Variants in ATRNL1 observed in about 807,000 individuals in gnomAD.
The protein encoded by ATRNL1 is attractin like 1.
In ATRNL1, 95 loss-of-function variants were observed where a neutral mutation model predicts 182.7. The observed-to-expected ratio is 0.52, with a 90% confidence interval of 0.44 to 0.62. The LOEUF (loss-of-function observed/expected upper bound fraction) is 0.62, where lower values mean the gene tolerates loss of function less well. Among genes scored for constraint, ATRNL1 ranks in the 20% least tolerant of loss-of-function variants. The pLI is 0.00. For synonymous variants in ATRNL1, 576 were observed against 568.3 expected (o/e 1.01, Z -0.19); for missense variants, 1,471 against 1,679.5 (o/e 0.88, Z 2.17).
chr10:115,335,667 C>T (rs1470064420), intron 19 of ATRNL1, among the ~76,000 whole-genome samples: 1 of 152,142 alleles, frequency 6.6e-6, no homozygotes, highest in African/African-American at 2.4e-5. Context: ...TGGTGAAGTC[C>T]CTTACATAGT....
chr10:115,407,985 CTTTTTTTTTTTTTTT>C (rs71010022), intron 20 of ATRNL1, among the ~76,000 whole-genome samples: 89 of 97,790 alleles, frequency 9.1e-4, no homozygotes, highest in South Asian at 3.5e-3. Flanking sequence ...ATTTGCATTT[CTTTTTTTTTTTTTTT>C]TTTTTTTTTT....
intron 11 of ATRNL1, among the ~76,000 whole-genome samples, chr10:115,265,552 C>T (rs1300262885): frequency 6.6e-6 from 1 of 151,404 alleles, no homozygotes; most frequent in Admixed American, 6.6e-5. Flanking sequence ...TTTTCTTTTT[C>T]CAGAGATCAG....
chr10:115,352,063 AT>A (rs1246159210), intron 19 of ATRNL1, among the ~76,000 whole-genome samples: 1 of 151,988 alleles, frequency 6.6e-6, no homozygotes, highest in African/African-American at 2.4e-5. Flanking sequence ...GTATTTAGGA[AT>A]TTATACTTGT....
At chr10:115,865,331 T>C (rs1555104483) in intron 28 of ATRNL1, among the ~76,000 whole-genome samples, 1 of 152,188 alleles carries the variant, frequency 6.6e-6, no homozygotes, top group African/African-American at 2.4e-5. Context: ...CTGTACTCAT[T>C]TGCAGTGTTC....
In ATRNL1 at chr10:115,093,634, C is replaced by T; in HGVS notation, c.-117C>T. On this transcript the variant is annotated 5_prime_UTR_variant, in exon 1 of 29. Coordinates refer to ENST00000355044, the MANE Select transcript of ATRNL1 (RefSeq NM_207303.4). The surrounding 1 kb of genome is among the most constrained non-coding windows in gnomAD (Gnocchi z 6.1). ...CCGGGGAGCGGGACTCGGACGGGCG[C>T]CGGTGAGGAGGAGGAGAAGCGGCGG... 1 of 1,190,904 alleles carries T rather than the reference C, an allele frequency of 8.4e-7. No individual in the cohort carries two copies. The allele number at this position is 1,190,904 out of a possible 1,614,324, so 73.8% of individuals were successfully genotyped here. A position where few individuals can be genotyped will look rare whatever the true frequency, so the allele number is the denominator to read the frequency against.
intron 26 of ATRNL1, among the ~76,000 whole-genome samples, chr10:115,621,919 A>G (rs1857793390): frequency 6.6e-6 from 1 of 152,210 alleles, no homozygotes; most frequent in African/African-American, 2.4e-5. Context: ...TCTAAGTCAG[A>G]TCTCAAATAA....
At chr10:115,631,051 C>G (rs575414712) in intron 26 of ATRNL1, among the ~76,000 whole-genome samples, 1 of 151,346 alleles carries the variant, frequency 6.6e-6, no homozygotes, top group Admixed American at 6.6e-5. Flanking sequence ...ACTATGCTTA[C>G]CAGGGGTGGG....
chr10:115,909,480 C>G (rs1037403438), intron 28 of ATRNL1: 5 of 152,236 alleles, frequency 3.3e-5, no homozygotes, highest in Non-Finnish European at 7.3e-5. Flanking sequence ...TCCTGACCTT[C>G]CAGCTTCACC....
intron 28 of ATRNL1, among the ~76,000 whole-genome samples, chr10:115,883,797 TG>T (rs1279102931): frequency 5.3e-5 from 8 of 152,230 alleles, no homozygotes; most frequent in Non-Finnish European, 1.0e-4. Context: ...GCCTAAGGCC[TG>T]GGCCTTCTGC....
chr10:115,539,856 C>T (rs12242249), intron 25 of ATRNL1, among the ~76,000 whole-genome samples: 11,818 of 151,776 alleles, frequency 0.078, 1,483 homozygotes, highest in African/African-American at 0.27. Context: ...GTCCTCCCAG[C>T]TCAAAACATG....
At chr10:115,867,214 T>G (rs11592116) in intron 28 of ATRNL1, among the ~76,000 whole-genome samples, 30,488 of 152,128 alleles carry the variant, frequency 0.2, 3,158 homozygotes, top group African/African-American at 0.23. Context: ...ACCTAGAAAT[T>G]TTAATTGAAA....
At chr10:115,570,204 C>T (rs1854308810) in intron 26 of ATRNL1, among the ~76,000 whole-genome samples, 1 of 152,108 alleles carries the variant, frequency 6.6e-6, no homozygotes, top group African/African-American at 2.4e-5. Flanking sequence ...CCTTGTGCTC[C>T]ACCAGCCGTG....
chr10:115,585,487 C>T, intron 26 of ATRNL1, among the ~76,000 whole-genome samples: 1 of 123,344 alleles, frequency 8.1e-6, no homozygotes, highest in African/African-American at 3.2e-5. Flanking sequence ...TGAATTGATC[C>T]CTTTACCATT....
chr10:115,382,148 C>T (rs1858050957), intron 19 of ATRNL1, among the ~76,000 whole-genome samples: 1 of 152,000 alleles, frequency 6.6e-6, no homozygotes, highest in Non-Finnish European at 1.5e-5. Context: ...CAACTTTATT[C>T]TTCTTTTAAA....
intron 16 of ATRNL1, 134 bp from the exon 17 acceptor site, chr10:115,301,721 T>C: frequency 1.6e-6 from 1 of 620,732 alleles, no homozygotes; most frequent in South Asian, 4.1e-5. Flanking sequence ...TTTGTTTTTA[T>C]CTACCTCATC....
At chr10:115,937,659 G>A (rs1201700456) in intron 28 of ATRNL1, among the ~76,000 whole-genome samples, 2 of 152,288 alleles carry the variant, frequency 1.3e-5, no homozygotes, top group Non-Finnish European at 2.9e-5. Flanking sequence ...TCTTAATCAT[G>A]TGAAGGATAG....
intron 24 of ATRNL1, among the ~76,000 whole-genome samples, chr10:115,487,168 A>G (rs1849067704): frequency 6.6e-6 from 1 of 152,058 alleles, no homozygotes; most frequent in Admixed American, 6.6e-5. Flanking sequence ...AAGTCAGGTT[A>G]CGTGATGCCT....
Position 115,426,303 on chromosome 10 carries a change from G to A in ATRNL1, c.3322+1G>A. 1 of 1,602,390 alleles carries A rather than the reference G, an allele frequency of 6.2e-7. No homozygotes were observed. Among genetic ancestry groups the A allele is most frequent in the Non-Finnish European group, 8.5e-7 (1 of 1,170,310 alleles). ...AATCCACTTAGAGGAACATGTTATTGTAAGTATATGTGTATTCTTCATTTT... is the reference window on the plus strand; with the variant it reads ...AATCCACTTAGAGGAACATGTTATTATAAGTATATGTGTATTCTTCATTTT... On this transcript the variant is annotated splice_donor_variant, in intron 21 of 28. Transcript: ENST00000355044. LOFTEE classifies it high-confidence loss of function.
At chr10:115,907,637 T>C (rs574910950) in intron 28 of ATRNL1, among the ~76,000 whole-genome samples, 2 of 152,290 alleles carry the variant, frequency 1.3e-5, no homozygotes, top group Non-Finnish European at 2.9e-5. Flanking sequence ...GCTCACTTCA[T>C]TAGAATTCCC....
Sources: allele counts gnomAD v4.1 joint callset (sites outside exome capture counted in the v4.1 genomes callset), GRCh38; gene constraint gnomAD v4.1.1; non-coding constraint Gnocchi (gnomAD v3.1); transcripts MANE v1.5; gene names NCBI Gene and HGNC (gene_info 2026-07-23, HGNC 2026-07-21).